P2RY14: variants seen among roughly 807,000 people sequenced by gnomAD.
The protein encoded by P2RY14 is P2Y purinoceptor 14.
A neutral mutation model predicts 0.9 loss-of-function variants in P2RY14; 2 were observed. The observed-to-expected ratio is 2.16, with a 90% CI of 0.88 to 6.79. The LOEUF (loss-of-function observed/expected upper bound fraction) is 6.79. P2RY14 is among the 30% of genes most tolerant of loss of function. The probability of loss-of-function intolerance (pLI) is 0.05; values close to 1 mark genes in which losing one functional copy is unlikely to be tolerated. For synonymous variants in P2RY14, 158 were observed against 147.2 expected (o/e 1.07, Z -0.53); for missense variants, 378 against 400.1 (o/e 0.94, Z 0.47).
intron 1 of P2RY14, among the ~76,000 whole-genome samples, chr3:151,228,805 T>C (rs142609081): frequency 2.2e-4 from 34 of 152,328 alleles, no homozygotes; most frequent in African/African-American, 3.1e-4. Context: ...TGGAACTAGG[T>C]TGAGCTGCCT....
intron 1 of P2RY14, among the ~76,000 whole-genome samples, chr3:151,232,127 G>A (rs1180534073): frequency 2.0e-5 from 3 of 152,084 alleles, no homozygotes; most frequent in South Asian, 4.1e-4. Flanking sequence ...TTACTTTCCT[G>A]TGGGGTCTCC....
chr3:151,253,122 C>T (rs1230205273), intron 1 of P2RY14, among the ~76,000 whole-genome samples: 2 of 152,164 alleles, frequency 1.3e-5, no homozygotes, highest in African/African-American at 4.8e-5. Flanking sequence ...AATCCACTAG[C>T]ATGCAGCTAA....
intron 1 of P2RY14, among the ~76,000 whole-genome samples, chr3:151,257,840 G>C (rs971188960): frequency 1.6e-4 from 24 of 152,172 alleles, no homozygotes; most frequent in Non-Finnish European, 3.2e-4. Flanking sequence ...TTAGATGAGA[G>C]TCACACAAAT....
At chr3:151,245,184 A>G (rs1432332029) in intron 1 of P2RY14, among the ~76,000 whole-genome samples, 4 of 152,236 alleles carry the variant, frequency 2.6e-5, no homozygotes, top group African/African-American at 9.6e-5. Flanking sequence ...GAATTCTACC[A>G]GAGGTATAAG....
At chr3:151,231,145 A>G (rs559143746) in intron 1 of P2RY14, among the ~76,000 whole-genome samples, 64 of 152,366 alleles carry the variant, frequency 4.2e-4, no homozygotes, top group Admixed American at 1.1e-3. Flanking sequence ...TTAAAAGTAC[A>G]GATTACAAAA....
intron 1 of P2RY14, among the ~76,000 whole-genome samples, chr3:151,277,702 T>G (rs1022875072): frequency 1.2e-4 from 19 of 152,234 alleles, no homozygotes; most frequent in African/African-American, 4.6e-4. Context: ...AAGTAGCATA[T>G]GAACTCAAAT....
chr3:151,218,553 A>G (rs541933267), intron 2 of P2RY14, among the ~76,000 whole-genome samples: 2 of 152,250 alleles, frequency 1.3e-5, no homozygotes, highest in East Asian at 1.9e-4. Context: ...AAAGATTCAT[A>G]TATATAGCTA....
At position 151,258,183 on chromosome 3, in the gene P2RY14, A is replaced by G. The variant is rs141736068; in HGVS notation, c.-133+20104T>C. ...AGTGGGAGTTCCGATATGGTATGAGACCACTGTGAGATGGATTAGAAAGAT... is the reference window on the plus strand; with the variant it reads ...AGTGGGAGTTCCGATATGGTATGAGGCCACTGTGAGATGGATTAGAAAGAT... On this transcript the variant is annotated intron_variant, in intron 1 of 2. Coordinates refer to ENST00000309170, the MANE Select transcript of P2RY14 (RefSeq NM_014879.4). Among the ~76,000 whole-genome samples the G allele has an allele frequency of 6.7e-3, 1,013 of 152,284 alleles. 11 individuals carry two copies. Among genetic ancestry groups the G allele is most frequent in the African/African-American group, 0.024 (981 of 41,556 alleles).
At chr3:151,266,833 CT>C (rs1739927781) in intron 1 of P2RY14, among the ~76,000 whole-genome samples, 1 of 152,172 alleles carries the variant, frequency 6.6e-6, no homozygotes, top group African/African-American at 2.4e-5. Context: ...GAAGGGAAAA[CT>C]TCCTTCTCCT....
At chr3:151,250,851 A>G (rs1299139187) in intron 1 of P2RY14, among the ~76,000 whole-genome samples, 1 of 152,214 alleles carries the variant, frequency 6.6e-6, no homozygotes, top group Non-Finnish European at 1.5e-5. Flanking sequence ...TGTTTTCCAT[A>G]GAGGCTGAAT....
chr3:151,229,956 G>T (rs1376109580), intron 1 of P2RY14, among the ~76,000 whole-genome samples: 1 of 151,836 alleles, frequency 6.6e-6, no homozygotes, highest in African/African-American at 2.4e-5. Context: ...CACATGTTGG[G>T]ATCTGTTTTT....
chr3:151,249,067 T>C lies in P2RY14; in HGVS notation c.-133+29220A>G, dbSNP rs1023145945. ...TCTCGCCAAATGCTTGAATGTCAGGTACTACAGATGTCCAGTATTCTTTGG... is the reference window on the plus strand; with the variant it reads ...TCTCGCCAAATGCTTGAATGTCAGGCACTACAGATGTCCAGTATTCTTTGG... On this transcript the variant is annotated intron_variant, in intron 1 of 2. Transcript: ENST00000309170. 3 of 152,226 alleles carry C rather than the reference T, an allele frequency of 2.0e-5. No individual in the cohort carries two copies. In the East Asian group the frequency reaches 5.8e-4, roughly 29 times the overall value. The allele number at this position is 152,226 out of a possible 1,614,324, so 9.4% of individuals were successfully genotyped here.
At chr3:151,226,875 A>G (rs1730599578) in intron 1 of P2RY14, among the ~76,000 whole-genome samples, 2 of 152,222 alleles carry the variant, frequency 1.3e-5, no homozygotes, top group Admixed American at 6.5e-5. Context: ...ACTATCATGA[A>G]TGGTGATTAC....
intron 1 of P2RY14, among the ~76,000 whole-genome samples, chr3:151,240,610 A>G (rs1211043925): frequency 1.3e-5 from 2 of 151,658 alleles, no homozygotes; most frequent in African/African-American, 4.8e-5. Flanking sequence ...CTAGTTGTTT[A>G]TCTTTAAGCA....
At chr3:151,237,189 C>T (rs1226519279) in intron 1 of P2RY14, among the ~76,000 whole-genome samples, 3 of 151,558 alleles carry the variant, frequency 2.0e-5, no homozygotes, top group Admixed American at 6.6e-5. Context: ...CAGGTGCATG[C>T]CACCACGCCC....
At chr3:151,242,623 C>T (rs1384774373) in intron 1 of P2RY14, among the ~76,000 whole-genome samples, 3 of 152,292 alleles carry the variant, frequency 2.0e-5, no homozygotes, top group South Asian at 2.1e-4. Flanking sequence ...CTGTACATCA[C>T]CATCATCAAA....
intron 1 of P2RY14, among the ~76,000 whole-genome samples, chr3:151,231,184 T>C (rs1174758229): frequency 6.6e-6 from 1 of 152,200 alleles, no homozygotes. Context: ...AAAGCTCTTG[T>C]TTACAGGAGA....
chr3:151,270,176 A>G, intron 1 of P2RY14: 1 of 181,474 alleles, frequency 5.5e-6, no homozygotes, highest in Non-Finnish European at 1.1e-5. Context: ...AATTTTCTCC[A>G]GTTCCTGGGA....
At chr3:151,232,589 A>G (rs902536244) in intron 1 of P2RY14, among the ~76,000 whole-genome samples, 2 of 152,258 alleles carry the variant, frequency 1.3e-5, no homozygotes, top group Admixed American at 6.5e-5. Flanking sequence ...CATATATGCC[A>G]TGGAATACTA....
Sources: gnomAD v4.1 joint callset for allele counts (sites outside exome capture counted in the v4.1 genomes callset) on GRCh38, gnomAD v4.1.1 for gene constraint, MANE v1.5 for transcripts, NCBI Gene and HGNC (gene_info 2026-07-23, HGNC 2026-07-21) for gene names.